SLC38A5: variants seen among roughly 807,000 people sequenced by gnomAD.
The protein encoded by SLC38A5 is sodium-coupled neutral amino acid transporter 5.
Under a neutral mutation model 34.6 loss-of-function variants are expected in SLC38A5, and 9 were observed. That is an observed-to-expected ratio of 0.26 (90% CI 0.16 to 0.45). The LOEUF is 0.45. Ranked by LOEUF, SLC38A5 falls within the 20% of genes least tolerant of loss-of-function variation. SLC38A5 has a pLI of 1.00. For missense variants in SLC38A5, 253 were observed against 394.7 expected, an observed-to-expected ratio of 0.64 and a Z score of 3.04; for synonymous variants, 157 against 155.6, an observed-to-expected ratio of 1.01 and a Z score of -0.07.
intron 1 of SLC38A5, chrX:48,469,768 G>C (rs377284601): frequency 1.8e-5 from 2 of 112,241 alleles, no homozygotes; most frequent in African/African-American, 6.5e-5. Flanking sequence ...GGAACAGACA[G>C]ACCACAGAAG....
chrX:48,463,802 G>A (rs1455426827), intron 8 of SLC38A5, among the ~76,000 whole-genome samples: 4 of 61,922 alleles, frequency 6.5e-5, no homozygotes, highest in Non-Finnish European at 9.6e-5. Flanking sequence ...AAGAAAGAAA[G>A]AAAAAAAAGA....
intron 8 of SLC38A5, among the ~76,000 whole-genome samples, chrX:48,465,765 C>T (rs1427929501): frequency 1.8e-5 from 2 of 111,366 alleles, no homozygotes; most frequent in African/African-American, 6.5e-5. Flanking sequence ...CAGAGTAAAC[C>T]GGACATAAAG....
At chrX:48,466,701 T>G in intron 6 of SLC38A5, 98 bp downstream of exon 6, 1 of 949,171 alleles carries the variant, frequency 1.1e-6, no homozygotes, top group Non-Finnish European at 1.5e-6. Context: ...GGGTCTGGGG[T>G]CTGGGGTCCA....
rs1218727326 is a variant in SLC38A5, at chrX:48,463,899, GAAAGAAAGAA to G, written c.492-929_492-920del. ...AGAAAGAAAGAAAGAAAGAAAGAAA[GAAAGAAAGAA>G]AGAGAAAGAAAGAAAGGAGAAAATC... On this transcript the variant is annotated intron_variant, in intron 8 of 16. Coordinates refer to ENST00000620913, the MANE Select transcript of SLC38A5 (RefSeq NM_033518.4). Among the ~76,000 whole-genome samples the G allele has an allele frequency of 2.8e-5, 3 of 107,431 alleles. No individual in the cohort carries two copies. The East Asian group carries it at 8.8e-4, about 32-fold the overall frequency. 93.3% of individuals were successfully genotyped at this position (107,431 alleles called of 115,157 possible).
At chrX:48,464,913 G>A (rs782619884) in intron 8 of SLC38A5, among the ~76,000 whole-genome samples, 3 of 105,609 alleles carry the variant, frequency 2.8e-5, no homozygotes, top group South Asian at 4.3e-4. Context: ...CAGCCTGGGC[G>A]ACAGAATGAG....
chrX:48,459,684 C>T, intron 15 of SLC38A5, 45 bp from the exon 16 acceptor site: 1 of 1,188,427 alleles, frequency 8.4e-7, no homozygotes, highest in African/African-American at 1.8e-5. Flanking sequence ...GACTTGGGGA[C>T]AAGGCCCATA....
chrX:48,459,334 G>A, intron 16 of SLC38A5: 1 of 437,095 alleles, frequency 2.3e-6, no homozygotes, highest in South Asian at 5.0e-5. Context: ...CTGTTTGAGT[G>A]CTCCCTGTCT....
At chrX:48,466,346 G>A in intron 6 of SLC38A5, 24 bp from the exon 7 acceptor site, 1 of 1,175,895 alleles carries the variant, frequency 8.5e-7, no homozygotes, top group Non-Finnish European at 1.1e-6. Context: ...TCAGGAACAG[G>A]GTTGAAGGTC....
intron 8 of SLC38A5, among the ~76,000 whole-genome samples, chrX:48,464,164 G>A (rs1349140128): frequency 2.7e-5 from 3 of 112,481 alleles, no homozygotes; most frequent in Non-Finnish European, 3.8e-5. Flanking sequence ...AAATAGAAAC[G>A]AAATCATCCA....
Position 48,458,746 on chromosome X carries a change from T to A in SLC38A5, c.*187A>T. On this transcript the variant is annotated 3_prime_UTR_variant, in exon 17 of 17. Coordinates refer to ENST00000620913, the MANE Select transcript of SLC38A5 (RefSeq NM_033518.4). ...GGGGTTGGGGTTGGGATTAGGGCCATGATCCAAGCTTGGCATCCCTGGGGA... is the reference window on the plus strand; with the variant it reads ...GGGGTTGGGGTTGGGATTAGGGCCAAGATCCAAGCTTGGCATCCCTGGGGA... 2 of 1,046,517 alleles carry A rather than the reference T, an allele frequency of 1.9e-6. No homozygotes were observed. The highest frequency in any genetic ancestry group is 2.5e-6 in the Non-Finnish European group (2 of 814,811). The allele number at this position is 1,046,517 out of a possible 1,213,427, so 86.2% of individuals were successfully genotyped here.
At chrX:48,461,498 T>G (rs1039895554) in intron 12 of SLC38A5, among the ~76,000 whole-genome samples, 1 of 111,831 alleles carries the variant, frequency 8.9e-6, no homozygotes, top group African/African-American at 3.3e-5. Flanking sequence ...CCATCCACAT[T>G]TGTGCTGGAT....
At chrX:48,468,051 G>T (rs943213562) in intron 2 of SLC38A5, 126 bp from the exon 3 acceptor site, 1 of 813,865 alleles carries the variant, frequency 1.2e-6, no homozygotes, top group Non-Finnish European at 1.7e-6. Flanking sequence ...AAGAGACAAG[G>T]CAGGGGAGCA....
At chrX:48,461,880 C>A in intron 11 of SLC38A5, 83 bp from the exon 12 acceptor site, 1 of 1,130,761 alleles carries the variant, frequency 8.8e-7, no homozygotes, top group Non-Finnish European at 1.2e-6. Flanking sequence ...CCCGTAATCG[C>A]CCTCCATATC....
chrX:48,461,114 A>G (rs1556961806), intron 12 of SLC38A5, 28 bp from the exon 13 acceptor site: 2 of 1,153,488 alleles, frequency 1.7e-6, no homozygotes, highest in East Asian at 6.1e-5. Context: ...TGGAACTGTC[A>G]TGCCCAGACC....
intron 2 of SLC38A5, chrX:48,468,466 C>G: frequency 1.4e-6 from 1 of 727,079 alleles, no homozygotes; most frequent in Non-Finnish European, 1.6e-6. Flanking sequence ...CCCTCCTTCC[C>G]GCCTGGGCCC....
chrX:48,461,741 C>T lies in SLC38A5; in HGVS notation c.828G>A (p.Leu276=), dbSNP rs782747651. The T allele has an allele frequency of 3.3e-6, 4 of 1,208,267 alleles. No homozygotes were observed. The highest frequency in any genetic ancestry group is 4.5e-6 in the Non-Finnish European group (4 of 894,255). The part of the protein sequence containing the change: ...AFAFVCHPEV[L]PIYTELCRPS... ...ACCGGCAGAGCTCCGTATAGATGGG[C>T]AGCACCTCAGGGTGGCAGACAAAAG... The change falls in exon 12 of 17, where the codon CTG becomes CTA. Residue 276 remains leucine, a synonymous_variant. Transcript: ENST00000620913.
intron 4 of SLC38A5, 57 bp downstream of exon 4, chrX:48,467,653 C>A (rs376897509): frequency 4.5e-6 from 5 of 1,108,019 alleles, no homozygotes; most frequent in African/African-American, 1.8e-5. Context: ...GGGAGCAGTG[C>A]GGGAGGAGAT....
intron 8 of SLC38A5, among the ~76,000 whole-genome samples, chrX:48,464,517 C>T (rs2061462030): frequency 8.9e-6 from 1 of 112,436 alleles, no homozygotes; most frequent in Admixed American, 9.4e-5. Context: ...TCAGACTGGC[C>T]GGGTGTGGTG....
At chrX:48,463,900 AAAGAAAGAAAG>A (rs1351419067) in intron 8 of SLC38A5, among the ~76,000 whole-genome samples, 1 of 108,354 alleles carries the variant, frequency 9.2e-6, no homozygotes, top group African/African-American at 3.4e-5. Context: ...AGAAAGAAAG[AAAGAAAGAAAG>A]AGAAAGAAAG....
Sources: allele counts gnomAD v4.1 joint callset (sites outside exome capture counted in the v4.1 genomes callset), GRCh38; gene constraint gnomAD v4.1.1; transcripts MANE v1.5; gene names NCBI Gene and HGNC (gene_info 2026-07-23, HGNC 2026-07-21).